Variants in BNC2 observed in about 807,000 individuals in gnomAD.
BNC2 encodes zinc finger protein basonuclin-2.
A neutral mutation model predicts 76.3 loss-of-function variants in BNC2; 20 were observed. That is an observed-to-expected ratio of 0.26 (90% CI 0.18 to 0.38). BNC2 has a LOEUF of 0.38. BNC2 is among the 10% of genes least tolerant of loss of function. BNC2 has a pLI of 1.00. For synonymous variants in BNC2, 582 were observed against 514.8 expected (o/e 1.13, Z -1.77); for missense variants, 1,382 against 1,399.8 (o/e 0.99, Z 0.20).
At chr9:16,549,119 C>T (rs1656224017) in intron 5 of BNC2, among the ~76,000 whole-genome samples, 1 of 152,194 alleles carries the variant, frequency 6.6e-6, no homozygotes, top group Admixed American at 6.5e-5. Context: ...CCCCTCTTCC[C>T]CCTACATCCA....
chr9:16,664,806 T>C lies in BNC2; in HGVS notation c.330+62991A>G, dbSNP rs376075798. Among the ~76,000 whole-genome samples the C allele has an allele frequency of 2.9e-4, 44 of 152,202 alleles. 1 individual carries two copies. The highest frequency in any genetic ancestry group is 1.6e-3 in the East Asian group (8 of 5,140). The stretch of plus-strand genomic sequence containing the variant: ...TCCTCAGCTGAAAACGCTGTTCTGC[T>C]CTGGAATAAACTCTCAGAATTCATG... On this transcript the variant is annotated intron_variant, in intron 3 of 6. Coordinates refer to ENST00000380672, the MANE Select transcript of BNC2 (RefSeq NM_017637.6).
chr9:16,437,590 C>G, intron 5 of BNC2, 66 bp from the exon 6 acceptor site: 2 of 1,555,226 alleles, frequency 1.3e-6, no homozygotes, highest in Non-Finnish European at 1.7e-6. Context: ...CATAATTATT[C>G]AATGCAACTG....
intron 5 of BNC2, among the ~76,000 whole-genome samples, chr9:16,511,571 G>C (rs1822757216): frequency 6.6e-6 from 1 of 151,280 alleles, no homozygotes; most frequent in African/African-American, 2.4e-5. Context: ...GGGACTATAG[G>C]TGTAAGCCAC....
At position 16,465,434 on chromosome 9, in the gene BNC2, CAAAA is replaced by C. The variant is rs34834563; in HGVS notation, c.670-27914_670-27911del. Reference sequence around the variant, plus strand: ...CTGGGCGACAGTGAGACTCCAACTCCAAAAAAAAAAAAAAAAAAGGGTTAATAAC... The same window carrying C: ...CTGGGCGACAGTGAGACTCCAACTCCAAAAAAAAAAAAAAGGGTTAATAAC... On this transcript the variant is annotated intron_variant, in intron 5 of 6. Transcript: ENST00000380672. Among the ~76,000 whole-genome samples the C allele has an allele frequency of 1.8e-4, 15 of 84,270 alleles. 2 individuals carry two copies. The South Asian group carries it at 6.1e-3, about 34-fold the overall frequency. 55.3% of individuals were successfully genotyped at this position (84,270 alleles called of 152,430 possible).
Position 16,659,147 on chromosome 9 carries a change from C to CGG in BNC2, c.330+68648_330+68649dup, listed in dbSNP as rs34748774. Among the ~76,000 whole-genome samples, 319 of 150,220 alleles carry CGG rather than the reference C, an allele frequency of 2.1e-3. 1 individual carries two copies. The highest frequency in any genetic ancestry group is 4.0e-3 in the Admixed American group (61 of 15,070). ...GTGTGGGTAAATGGCAGATGGATGG[C>CGG]GGGGGGGGGCATGTGAATGCACACA... On this transcript the variant is annotated intron_variant, in intron 3 of 6. Coordinates refer to ENST00000380672, the MANE Select transcript of BNC2 (RefSeq NM_017637.6).
At chr9:16,514,371 G>C (rs771449017) in intron 5 of BNC2, among the ~76,000 whole-genome samples, 7 of 152,180 alleles carry the variant, frequency 4.6e-5, no homozygotes, top group Non-Finnish European at 1.0e-4. Flanking sequence ...AATTCCACTG[G>C]GAGGACAACA....
Position 16,409,731 on chromosome 9 carries a change from C to T in BNC2, c.*9258G>A, listed in dbSNP as rs1327482443. The T allele has an allele frequency of 2.0e-5, 3 of 152,408 alleles. No individual in the cohort carries two copies. Among genetic ancestry groups the T allele is most frequent in the Non-Finnish European group, 2.9e-5 (2 of 67,982 alleles). 9.4% of individuals were successfully genotyped at this position (152,408 alleles called of 1,614,324 possible). On this transcript the variant is annotated 3_prime_UTR_variant, in exon 7 of 7. Transcript: ENST00000380672. ...CTACCAATAAAAACAAAAAGCAAAA[C>T]AGAACAAAACAAAAATAAAACCCTT...
At chr9:16,439,935 T>A (rs1395667532) in intron 5 of BNC2, among the ~76,000 whole-genome samples, 2 of 152,172 alleles carry the variant, frequency 1.3e-5, no homozygotes, top group Non-Finnish European at 2.9e-5. Flanking sequence ...AAGAGTCACA[T>A]AAGGGTGCAG....
At chr9:16,733,173 C>T (rs1824563830) in intron 2 of BNC2, among the ~76,000 whole-genome samples, 1 of 152,170 alleles carries the variant, frequency 6.6e-6, no homozygotes, top group Non-Finnish European at 1.5e-5. Flanking sequence ...ATGGGACTTG[C>T]TCTCCAACAT....
chr9:16,510,543 T>C (rs1332535928), intron 5 of BNC2, among the ~76,000 whole-genome samples: 3 of 152,258 alleles, frequency 2.0e-5, no homozygotes, highest in Admixed American at 6.5e-5. Flanking sequence ...CCGACATAGC[T>C]ACATGCTGTA....
chr9:16,719,823 A>C (rs1327565465), intron 3 of BNC2, among the ~76,000 whole-genome samples: 2 of 152,170 alleles, frequency 1.3e-5, no homozygotes, highest in Non-Finnish European at 2.9e-5. Flanking sequence ...CCTTTTTTAA[A>C]TGTTTCTGTT....
chr9:16,795,479 A>T (rs1817622146), intron 1 of BNC2, among the ~76,000 whole-genome samples: 1 of 151,822 alleles, frequency 6.6e-6, no homozygotes, highest in Non-Finnish European at 1.5e-5. Flanking sequence ...GAATCCTGGA[A>T]GGGAAAGAAT....
At chr9:16,844,062 C>G (rs1376228798) in intron 1 of BNC2, among the ~76,000 whole-genome samples, 1 of 151,998 alleles carries the variant, frequency 6.6e-6, no homozygotes, top group Non-Finnish European at 1.5e-5. Flanking sequence ...GAGTTCAAGA[C>G]CAGCCTGGGC....
At chr9:16,531,101 A>G (rs1031050265) in intron 5 of BNC2, among the ~76,000 whole-genome samples, 3 of 152,348 alleles carry the variant, frequency 2.0e-5, no homozygotes, top group Admixed American at 6.5e-5. Context: ...TATGAAAATA[A>G]TAACAGTTTT....
chr9:16,866,094 C>CT (rs1819537065), intron 1 of BNC2, among the ~76,000 whole-genome samples: 1 of 151,964 alleles, frequency 6.6e-6, no homozygotes, highest in African/African-American at 2.4e-5. Flanking sequence ...AGTAATGCTC[C>CT]TAAAAACTAG....
intron 5 of BNC2, among the ~76,000 whole-genome samples, chr9:16,445,488 A>G (rs2130976634): frequency 6.6e-6 from 1 of 152,288 alleles, no homozygotes; most frequent in East Asian, 1.9e-4. Context: ...GGTTCAAATT[A>G]GAACTTTTTT....
intron 5 of BNC2, among the ~76,000 whole-genome samples, chr9:16,444,076 C>G (rs376150040): frequency 2.0e-5 from 3 of 152,342 alleles, no homozygotes; most frequent in African/African-American, 7.2e-5. Context: ...CACCTTACTC[C>G]TTTCCTCCTG....
intron 3 of BNC2, among the ~76,000 whole-genome samples, chr9:16,646,547 G>C (rs1468170322): frequency 1.3e-5 from 2 of 152,108 alleles, no homozygotes; most frequent in Non-Finnish European, 2.9e-5. Context: ...CAGGTAAAAT[G>C]AATCTATTGT....
chr9:16,639,710 A>T (rs954445555), intron 3 of BNC2, among the ~76,000 whole-genome samples: 3 of 152,142 alleles, frequency 2.0e-5, no homozygotes, highest in Admixed American at 6.5e-5. Context: ...TGAGCCCAAG[A>T]GTTTCAGACC....
Sources: allele counts gnomAD v4.1 joint callset (sites outside exome capture counted in the v4.1 genomes callset), GRCh38; gene constraint gnomAD v4.1.1; transcripts MANE v1.5; gene names NCBI Gene and HGNC (gene_info 2026-07-23, HGNC 2026-07-21).